MYH13: variants seen among roughly 807,000 people sequenced by gnomAD.
The protein encoded by MYH13 is myosin heavy chain 13.
Under a neutral mutation model 232.1 loss-of-function variants are expected in MYH13, and 177 were observed. The ratio of observed to expected loss-of-function variants is 0.76; its 90% CI spans 0.67 to 0.86. The LOEUF is 0.86. Among genes scored for constraint, MYH13 ranks in the 40% least tolerant of loss-of-function variants. The probability of loss-of-function intolerance (pLI) is 0.00; values close to 1 mark genes in which losing one functional copy is unlikely to be tolerated. For synonymous variants in MYH13, 884 were observed against 923.5 expected, an observed-to-expected ratio of 0.96 and a Z score of 0.78; for missense variants, 2,246 against 2,405.9, an observed-to-expected ratio of 0.93 and a Z score of 1.39.
chr17:10,343,305 C>T (rs1243242396), intron 16 of MYH13, among the ~76,000 whole-genome samples: 1 of 151,956 alleles, frequency 6.6e-6, no homozygotes, highest in East Asian at 1.9e-4. Flanking sequence ...TAAAGCAATT[C>T]TCCGGCCTCA....
intron 12 of MYH13, among the ~76,000 whole-genome samples, chr17:10,349,669 C>G (rs756210619): frequency 6.6e-6 from 1 of 151,958 alleles, no homozygotes; most frequent in Admixed American, 6.6e-5. Flanking sequence ...TCCCATGATG[C>G]GGTGACCAAT....
chr17:10,317,055 C>T (rs1906740404), intron 27 of MYH13, among the ~76,000 whole-genome samples: 1 of 152,058 alleles, frequency 6.6e-6, no homozygotes, highest in Admixed American at 6.5e-5. Context: ...ACTGAAAAAG[C>T]GTTAAGAGAC....
Position 10,311,924 on chromosome 17 carries a change from G to A in MYH13, c.4518C>T (p.Asn1506=), listed in dbSNP as rs1197173164. 4 of 1,613,926 alleles carry A rather than the reference G, an allele frequency of 2.5e-6. No individual in the cohort carries two copies. Among genetic ancestry groups the A allele is most frequent in the Admixed American group, 3.3e-5 (2 of 60,010 alleles). Reference sequence around the variant, plus strand: ...GAGACAGCTCACCTTGCAGATTTTTGTTCTCTCGCCTCAGTGTCTCTAACT... The same window carrying A: ...GAGACAGCTCACCTTGCAGATTTTTATTCTCTCGCCTCAGTGTCTCTAACT... ...VDQLETLRRE[N]KNLQEEISDL... The change falls in exon 32 of 41, where the codon AAC becomes AAT. Residue 1506 remains asparagine (N), a synonymous_variant. Coordinates refer to ENST00000252172, the MANE Select transcript of MYH13 (RefSeq NM_003802.3).
chr17:10,329,073 G>A lies in MYH13; in HGVS notation c.2436-952C>T, dbSNP rs1907322272. On this transcript the variant is annotated intron_variant, in intron 21 of 40. Coordinates refer to ENST00000252172, the MANE Select transcript of MYH13 (RefSeq NM_003802.3). Reference sequence around the variant, plus strand: ...CAGCTTTATATTTACATAGCTTATGGATTCCTGAACACTGGCTTCTCTTTC... The same window carrying A: ...CAGCTTTATATTTACATAGCTTATGAATTCCTGAACACTGGCTTCTCTTTC... Among the ~76,000 whole-genome samples the A allele has an allele frequency of 2.0e-5, 3 of 152,140 alleles. No individual in the cohort carries two copies. The South Asian group carries it at 6.2e-4, about 32-fold the overall frequency.
rs1342288391 is a variant in MYH13, at chr17:10,364,421, G to A, written c.110C>T (p.Ala37Val). The change falls in exon 3 of 41, where the codon GCC becomes GTC. Residue 37 changes from alanine (A) to valine (V), a missense_variant. Transcript: ENST00000252172. ...AQNRPFDSKK[A>V]CFVADNKEMY... ...TTCCTTATTATCCGCTACAAAGCAG[G>A]CTTTCTTGGAATCGAATGGACGATT... 1.2e-6 allele frequency: 2 copies of A among 1,613,748 alleles called. No homozygotes were observed. The highest frequency in any genetic ancestry group is 4.5e-5 in the East Asian group (2 of 44,882).
intron 13 of MYH13, 29 bp from the exon 14 acceptor site, chr17:10,345,645 T>G (rs1196283711): frequency 2.5e-6 from 4 of 1,614,008 alleles, no homozygotes. Context: ...ACTCAACCCT[T>G]GAGTTAGTGT....
In MYH13 at chr17:10,340,317, A is replaced by G. The variant is rs991714917; in HGVS notation, c.1968+11T>C. On this transcript the variant is annotated intron_variant, in intron 17 of 40. Transcript: ENST00000252172. ...AAAACAAGTGAATATGGAAGCTGCC[A>G]AAACACCAACCCTGAACACGGCCGA... 2 of 1,613,942 alleles carry G rather than the reference A, an allele frequency of 1.2e-6. No individual in the cohort carries two copies. The highest frequency in any genetic ancestry group is 2.2e-5 in the East Asian group (1 of 44,882).
At chr17:10,310,642 G>A (rs1470555199) in intron 33 of MYH13, among the ~76,000 whole-genome samples, 1 of 152,064 alleles carries the variant, frequency 6.6e-6, no homozygotes, top group Non-Finnish European at 1.5e-5. Flanking sequence ...AAATGACAGG[G>A]CAACTGCTCT....
Position 10,354,780 on chromosome 17 carries a change from A to C in MYH13, c.905T>G (p.Leu302Arg). ...GAAGGGGTTGGTGGAGATCAGAAGC[A>C]GGTCTGTGAAACACAGATATCCCTT... Reference protein sequence around the residue: ...MSNKKPELIDLLLISTNPFDF... With the variant: ...MSNKKPELIDRLLISTNPFDF... The change falls in exon 11 of 41, where the codon CTG becomes CGG. Residue 302 changes from leucine (L) to arginine (R), a missense_variant. Physicochemically the swap from Leu to Arg is moderately radical, Grantham distance 102. Transcript: ENST00000252172. 1 of 1,613,896 alleles carries C rather than the reference A, an allele frequency of 6.2e-7. No individual in the cohort carries two copies. The highest frequency in any genetic ancestry group is 8.5e-7 in the Non-Finnish European group (1 of 1,179,796).
chr17:10,315,958 T>C lies in MYH13; in HGVS notation c.3806A>G (p.Gln1269Arg), dbSNP rs760233403. 2 of 1,614,028 alleles carry C rather than the reference T, an allele frequency of 1.2e-6. No homozygotes were observed. The highest frequency in any genetic ancestry group is 1.7e-5 in the Admixed American group (1 of 60,028). ...CAGATCATGGATCAACTGTGTCTGT[T>C]GCTCGTCCTTGGCTTTGATTTCACT... is the stretch of plus-strand genomic sequence containing the variant. ...QFSEIKAKDE[Q>R]QTQLIHDLNM... The change falls in exon 28 of 41, where the codon CAA (glutamine) becomes CGA (arginine). Residue 1269 changes from glutamine to arginine, a missense_variant. By Grantham distance (43) the Gln-to-Arg change is conservative (BLOSUM62 1). Coordinates refer to ENST00000252172, the MANE Select transcript of MYH13 (RefSeq NM_003802.3).
intron 18 of MYH13, among the ~76,000 whole-genome samples, chr17:10,333,523 T>C (rs1199438111): frequency 1.3e-5 from 2 of 152,202 alleles, no homozygotes; most frequent in Non-Finnish European, 2.9e-5. Context: ...GGGCTTCCCA[T>C]GGGATAACCC....
chr17:10,365,758 C>T (rs151080861), intron 2 of MYH13, among the ~76,000 whole-genome samples: 1 of 152,172 alleles, frequency 6.6e-6, no homozygotes, highest in African/African-American at 2.4e-5. Flanking sequence ...TAAACGCGGT[C>T]TCTAAACTTT....
In MYH13 at chr17:10,322,118, C is replaced by T. The variant is rs558824828; in HGVS notation, c.2935-410G>A. 4.6e-4 allele frequency among the ~76,000 whole-genome samples: 70 copies of T among 152,144 alleles called. 1 individual carries two copies. Among genetic ancestry groups the T allele is most frequent in the South Asian group, 4.1e-3 (20 of 4,826 alleles). On this transcript the variant is annotated intron_variant, in intron 23 of 40. Transcript: ENST00000252172. The stretch of plus-strand genomic sequence containing the variant: ...CCTACGCAAGAAAATTCACGCCGGG[C>T]GCGGTGGCTCACGCCTGTAATCCCA...
intron 22 of MYH13, among the ~76,000 whole-genome samples, chr17:10,326,637 ATT>A (rs60345675): frequency 4.3e-4 from 63 of 145,964 alleles, no homozygotes; most frequent in African/African-American, 4.3e-4. Flanking sequence ...CACCTGGCTA[ATT>A]TTTTTTTTTT....
rs1906302892 is a variant in MYH13 at position 10,306,826 on chromosome 17, AC to A, written c.5295+112del. The A allele has an allele frequency of 1.3e-6, 2 of 1,565,426 alleles. No homozygotes were observed. The highest frequency in any genetic ancestry group is 1.4e-5 in the African/African-American group (1 of 73,772). ...CCTCATTACATCTGTCTGGGAAGCC[AC>A]CACTAACCGATTGTTGTCATAAGAG... On this transcript the variant is annotated intron_variant, in intron 36 of 40. Transcript: ENST00000252172. This position sits in a 1 kb window ranked among gnomAD's most constrained non-coding sequence, Gnocchi z 4.3.
intron 22 of MYH13, among the ~76,000 whole-genome samples, chr17:10,327,539 T>C (rs1907256844): frequency 6.6e-6 from 1 of 152,212 alleles, no homozygotes; most frequent in Non-Finnish European, 1.5e-5. Context: ...TTTTTATTTT[T>C]ATTGATTTTT....
At chr17:10,308,440 A>C (rs538660800) in intron 35 of MYH13, among the ~76,000 whole-genome samples, 1 of 129,526 alleles carries the variant, frequency 7.7e-6, no homozygotes, top group African/African-American at 3.0e-5. Flanking sequence ...TTTTTAATTA[A>C]AACTTTTTTT....
chr17:10,313,333 C>A lies in MYH13; in HGVS notation c.4006G>T (p.Ala1336Ser), dbSNP rs1461899559. 1 of 1,614,114 alleles carries A rather than the reference C, an allele frequency of 6.2e-7. No individual in the cohort carries two copies. The highest frequency in any genetic ancestry group is 1.7e-5 in the Admixed American group (1 of 60,016). ...ETKAKNAMAH[A>S]LQSSRHDCDL... is the part of the protein sequence containing the mutation. ...CAGTCGTGGCGGGAGGACTGCAGGG[C>A]GTGCGCCATGGCGTTCTTGGCCTGG... is the stretch of plus-strand genomic sequence containing the variant. The change falls in exon 30 of 41, where the codon GCC becomes TCC. Residue 1336 changes from alanine to serine, a missense_variant. Transcript: ENST00000252172.
intron 2 of MYH13, among the ~76,000 whole-genome samples, chr17:10,368,271 C>T (rs1010915201): frequency 2.0e-5 from 3 of 152,150 alleles, no homozygotes; most frequent in African/African-American, 7.2e-5. Flanking sequence ...CTTGAAGGCT[C>T]AAAGTTGTGA....
Sources: gnomAD v4.1 joint callset for allele counts (sites outside exome capture counted in the v4.1 genomes callset) on GRCh38, gnomAD v4.1.1 for gene constraint, Gnocchi (gnomAD v3.1) non-coding constraint, MANE v1.5 for transcripts, NCBI Gene and HGNC (gene_info 2026-07-23, HGNC 2026-07-21) for gene names.